CLEC16A: variants seen among roughly 807,000 people sequenced by gnomAD.
CLEC16A encodes protein CLEC16A.
CLEC16A carries 51 observed loss-of-function variants against 109.5 expected under a neutral mutation model. The observed-to-expected ratio is 0.47, with a 90% confidence interval of 0.37 to 0.59. CLEC16A has a LOEUF of 0.59. Among genes scored for constraint, CLEC16A ranks in the 20% least tolerant of loss-of-function variants. CLEC16A has a pLI of 0.00. For missense variants in CLEC16A, 1,339 were observed against 1,394.0 expected (o/e 0.96, Z 0.63); for synonymous variants, 673 against 564.2 (o/e 1.19, Z -2.73).
chr16:10,981,588 C>T (rs910023252), intron 9 of CLEC16A, among the ~76,000 whole-genome samples: 1 of 152,250 alleles, frequency 6.6e-6, no homozygotes, highest in Admixed American at 6.5e-5. Flanking sequence ...CTCTCTCACT[C>T]TATACCCTGA....
intron 10 of CLEC16A, among the ~76,000 whole-genome samples, chr16:10,997,949 C>G (rs550993090): frequency 6.6e-6 from 1 of 152,184 alleles, no homozygotes; most frequent in African/African-American, 2.4e-5. Flanking sequence ...TGTACCCACA[C>G]CTGGTGGAAC....
In CLEC16A at chr16:11,174,260, C is replaced by G. The variant is rs560610467; in HGVS notation, c.2807-4075C>G. ...CCGAACGGCAGCTGCCACGGCACCT[C>G]ACGCACAGTCAATTCAGGCAGGTCT... On this transcript the variant is annotated intron_variant, in intron 23 of 23. Transcript: ENST00000409790. The surrounding 1 kb of genome is among the most constrained non-coding windows in gnomAD (Gnocchi z 4.7). The G allele has an allele frequency of 2.2e-6, 1 of 464,870 alleles. No homozygotes were observed. The highest frequency in any genetic ancestry group is 2.0e-5 in the African/African-American group (1 of 50,202). 28.8% of individuals were successfully genotyped at this position (464,870 alleles called of 1,614,324 possible).
intron 12 of CLEC16A, 108 bp from the exon 13 acceptor site, chr16:11,024,713 C>A: frequency 1.3e-6 from 1 of 766,494 alleles, no homozygotes; most frequent in Non-Finnish European, 2.2e-6. Context: ...ACAGTTGTGG[C>A]CTAAAGAGCT....
At chr16:11,055,049 C>G (rs375550880) in intron 18 of CLEC16A, among the ~76,000 whole-genome samples, 3 of 151,736 alleles carry the variant, frequency 2.0e-5, no homozygotes, top group Non-Finnish European at 4.4e-5. Flanking sequence ...ATTCTCCTGG[C>G]AAATCATTCC....
chr16:10,957,993 G>A, intron 2 of CLEC16A, 83 bp downstream of exon 2: 2 of 1,356,406 alleles, frequency 1.5e-6, no homozygotes, highest in Non-Finnish European at 2.1e-6. Context: ...CATTCTGGAT[G>A]ATGTCAGGAT....
intron 22 of CLEC16A, among the ~76,000 whole-genome samples, chr16:11,137,796 G>A (rs540162667): frequency 3.0e-4 from 46 of 152,072 alleles, no homozygotes; most frequent in African/African-American, 8.9e-4. Context: ...GTAACAGAGC[G>A]AGACTCCCTC....
rs150105337 is a variant in CLEC16A at position 11,045,305 on chromosome 16, G to A, written c.1815+1233G>A. Among the ~76,000 whole-genome samples the A allele has an allele frequency of 7.2e-5, 11 of 152,216 alleles. No individual in the cohort carries two copies. The East Asian group carries it at 1.4e-3, about 19-fold the overall frequency. On this transcript the variant is annotated intron_variant, in intron 16 of 23. Coordinates refer to ENST00000409790, the MANE Select transcript of CLEC16A (RefSeq NM_015226.3). ...AAAGCTTGCAGTGAGCTGAGATCGC[G>A]CCACTGCACTCCAGCCTGGGTGATA...
chr16:11,011,885 G>A (rs1268586722), intron 11 of CLEC16A, among the ~76,000 whole-genome samples: 1 of 151,456 alleles, frequency 6.6e-6, no homozygotes, highest in East Asian at 1.9e-4. Flanking sequence ...CTTGTACACT[G>A]AGAGCCCTGA....
intron 12 of CLEC16A, among the ~76,000 whole-genome samples, chr16:11,022,284 C>T (rs939503271): frequency 2.0e-5 from 3 of 151,788 alleles, no homozygotes; most frequent in South Asian, 2.1e-4. Context: ...TGCCCTCTGT[C>T]CCCCCAACTT....
chr16:11,064,028 A>G (rs2048633289), intron 19 of CLEC16A, among the ~76,000 whole-genome samples: 1 of 150,950 alleles, frequency 6.6e-6, no homozygotes, highest in Admixed American at 6.6e-5. Flanking sequence ...TAGATAAAAC[A>G]GTGGATTTCT....
chr16:11,157,382 T>C (rs1005332574), intron 22 of CLEC16A: 2 of 293,966 alleles, frequency 6.8e-6, no homozygotes, highest in Admixed American at 1.0e-4. Context: ...TCAGCACCAG[T>C]GCACAGGAAG....
intron 22 of CLEC16A, among the ~76,000 whole-genome samples, chr16:11,162,115 G>T (rs1407945665): frequency 6.6e-6 from 1 of 152,336 alleles, no homozygotes; most frequent in East Asian, 1.9e-4. Flanking sequence ...GTATTTTTGT[G>T]CTTCACAAAT....
intron 19 of CLEC16A, among the ~76,000 whole-genome samples, chr16:11,119,966 GTTGTT>G (rs34801138): frequency 2.0e-5 from 3 of 150,764 alleles, no homozygotes; most frequent in Admixed American, 6.6e-5. Context: ...TTTGTGTTGT[GTTGTT>G]TTGTTTTGTT....
chr16:11,119,897 C>T (rs2052272447), intron 19 of CLEC16A, among the ~76,000 whole-genome samples: 1 of 152,136 alleles, frequency 6.6e-6, no homozygotes, highest in African/African-American at 2.4e-5. Context: ...GATGTTTCTC[C>T]ATTTGTTTGT....
rs553512290 is a variant in CLEC16A, at chr16:11,089,571, T to G, written c.2116+28549T>G. Among the ~76,000 whole-genome samples, 252 of 152,268 alleles carry G rather than the reference T, an allele frequency of 1.7e-3. 1 individual carries two copies. Among genetic ancestry groups the G allele is most frequent in the African/African-American group, 5.8e-3 (242 of 41,536 alleles). On this transcript the variant is annotated intron_variant, in intron 19 of 23. Coordinates refer to ENST00000409790, the MANE Select transcript of CLEC16A (RefSeq NM_015226.3). ...GCCAACAGCGCAGGGAAATGCCTGT[T>G]CCTCCCCTCTGTCCCACACTGGCCC...
At chr16:11,058,085 C>A (rs537571940) in intron 18 of CLEC16A, among the ~76,000 whole-genome samples, 53 of 152,308 alleles carry the variant, frequency 3.5e-4, no homozygotes, top group African/African-American at 1.3e-3. Flanking sequence ...GCCCAATGTG[C>A]CTACCAGGCC....
intron 19 of CLEC16A, among the ~76,000 whole-genome samples, chr16:11,092,884 C>T (rs1875912704): frequency 6.6e-6 from 1 of 152,236 alleles, no homozygotes; most frequent in African/African-American, 2.4e-5. Flanking sequence ...ATAATAGAAT[C>T]CCCAATGCAT....
At chr16:10,979,771 C>T (rs562264475) in intron 9 of CLEC16A, among the ~76,000 whole-genome samples, 1 of 152,286 alleles carries the variant, frequency 6.6e-6, no homozygotes, top group Non-Finnish European at 1.5e-5. Flanking sequence ...TGCATACACA[C>T]AGCAACCTTG....
At position 11,072,955 on chromosome 16, in the gene CLEC16A, G is replaced by A. The variant is rs191646088; in HGVS notation, c.2116+11933G>A. Among the ~76,000 whole-genome samples, 51 of 152,324 alleles carry A rather than the reference G, an allele frequency of 3.3e-4. 1 individual carries two copies. Among genetic ancestry groups the A allele is most frequent in the Admixed American group, 2.8e-3 (43 of 15,304 alleles). ...TCTTGGAAAGATGACTTTCAGGAAA[G>A]TGGGTGCCGTCTGATTGAAGAGCTG... is the stretch of plus-strand genomic sequence containing the variant. On this transcript the variant is annotated intron_variant, in intron 19 of 23. Coordinates refer to ENST00000409790, the MANE Select transcript of CLEC16A (RefSeq NM_015226.3).
Sources: gnomAD v4.1 joint callset for allele counts (sites outside exome capture counted in the v4.1 genomes callset) on GRCh38, gnomAD v4.1.1 for gene constraint, Gnocchi (gnomAD v3.1) non-coding constraint, MANE v1.5 for transcripts, NCBI Gene and HGNC (gene_info 2026-07-23, HGNC 2026-07-21) for gene names.